The following RNF217 variants were observed in gnomAD, a reference collection of about 807,000 sequenced individuals.
RNF217 encodes ring finger protein 217.
Under a neutral mutation model 57.8 loss-of-function variants are expected in RNF217, and 31 were observed. That is an observed-to-expected ratio of 0.54 (90% CI 0.40 to 0.72). The LOEUF is 0.72. Ranked by LOEUF, RNF217 falls within the 30% of genes least tolerant of loss-of-function variation. The pLI, the probability that RNF217 is intolerant of heterozygous loss-of-function variation, is 0.00. For synonymous variants in RNF217, 313 were observed against 294.0 expected (o/e 1.06, Z -0.66); for missense variants, 696 against 708.3 (o/e 0.98, Z 0.20).
chr6:124,995,157 G>C (rs1181251665), intron 1 of RNF217, among the ~76,000 whole-genome samples: 6 of 152,116 alleles, frequency 3.9e-5, no homozygotes, highest in Non-Finnish European at 8.8e-5. Flanking sequence ...TTTATTAAAA[G>C]TTAGTGTACT....
intron 2 of RNF217, among the ~76,000 whole-genome samples, chr6:125,053,327 C>T (rs1466818984): frequency 6.6e-6 from 1 of 152,040 alleles, no homozygotes; most frequent in African/African-American, 2.4e-5. Flanking sequence ...ATAAGCAGTT[C>T]CTGCTACTTG....
At chr6:125,017,534 A>G (rs1785657205) in intron 1 of RNF217, among the ~76,000 whole-genome samples, 1 of 152,190 alleles carries the variant, frequency 6.6e-6, no homozygotes, top group Non-Finnish European at 1.5e-5. Context: ...AACAAGGATA[A>G]CCTATCTTGG....
At chr6:125,081,100 C>T (rs1160007738) in intron 4 of RNF217, among the ~76,000 whole-genome samples, 4 of 151,918 alleles carry the variant, frequency 2.6e-5, no homozygotes, top group Admixed American at 6.6e-5. Flanking sequence ...TTTAGCATTG[C>T]GAACATTGAA....
chr6:125,032,201 C>T (rs1310744805), intron 1 of RNF217, among the ~76,000 whole-genome samples: 2 of 152,130 alleles, frequency 1.3e-5, no homozygotes, highest in Admixed American at 6.5e-5. Flanking sequence ...CAAACCATAT[C>T]AGCTGCTTTC....
In RNF217 at chr6:125,087,694, T is replaced by A. The variant is rs1788811361; in HGVS notation, c.*4757T>A. The A allele has an allele frequency of 6.6e-6, 1 of 152,050 alleles. No individual in the cohort carries two copies. Among genetic ancestry groups the A allele is most frequent in the African/African-American group, 2.4e-5 (1 of 41,406 alleles). 9.4% of individuals were successfully genotyped at this position (152,050 alleles called of 1,614,324 possible). ...CTAAAGATTTAAAACAAATAAAACATACCTGAAGAAAAGTAGCAATTTCTG... is the reference window on the plus strand; with the variant it reads ...CTAAAGATTTAAAACAAATAAAACAAACCTGAAGAAAAGTAGCAATTTCTG... On this transcript the variant is annotated 3_prime_UTR_variant, in exon 6 of 6. Coordinates refer to ENST00000521654, the MANE Select transcript of RNF217 (RefSeq NM_001286398.3).
At chr6:125,019,729 A>G (rs145037937) in intron 1 of RNF217, among the ~76,000 whole-genome samples, 2 of 150,566 alleles carry the variant, frequency 1.3e-5, no homozygotes, top group African/African-American at 4.9e-5. Flanking sequence ...TCTTTCTCCA[A>G]CACTTACTGG....
chr6:125,027,261 C>A (rs960716096), intron 1 of RNF217, among the ~76,000 whole-genome samples: 1 of 152,046 alleles, frequency 6.6e-6, no homozygotes, highest in African/African-American at 2.4e-5. Context: ...TCTTCCTGGG[C>A]TTTTTTGTAC....
At chr6:124,990,283 AC>A (rs1349417194) in intron 1 of RNF217, among the ~76,000 whole-genome samples, 9 of 152,156 alleles carry the variant, frequency 5.9e-5, no homozygotes, top group Non-Finnish European at 8.8e-5. Context: ...ATGTATGCTC[AC>A]TACTCTTATT....
intron 4 of RNF217, among the ~76,000 whole-genome samples, chr6:125,079,792 A>G (rs545124): frequency 0.031 from 4,700 of 152,194 alleles, 233 homozygotes; most frequent in African/African-American, 0.11. Flanking sequence ...GGGAAAAGAA[A>G]CAAAAAATTA....
chr6:125,005,931 T>G (rs191829280), intron 1 of RNF217: 1 of 152,312 alleles, frequency 6.6e-6, no homozygotes, highest in East Asian at 1.9e-4. Context: ...ATAAAAATCA[T>G]TTATACTGTG....
At chr6:124,968,932 A>G (rs1265177872) in intron 1 of RNF217, among the ~76,000 whole-genome samples, 2 of 152,256 alleles carry the variant, frequency 1.3e-5, no homozygotes, top group Non-Finnish European at 2.9e-5. Flanking sequence ...GGGTACCTGT[A>G]TGATAAGCAC....
Position 125,071,148 on chromosome 6 carries a change from G to A in RNF217, c.1282-5509G>A, listed in dbSNP as rs138476704. Among the ~76,000 whole-genome samples, 8 of 152,218 alleles carry A rather than the reference G, an allele frequency of 5.3e-5. No individual in the cohort carries two copies. In the East Asian group the frequency reaches 1.5e-3, roughly 29 times the overall value. On this transcript the variant is annotated intron_variant, in intron 3 of 5. Transcript: ENST00000521654. The stretch of plus-strand genomic sequence containing the variant: ...GGAGGACAGGTACTATTTTCTTCAT[G>A]CAGATGGTTCCCAAGTTAGGATGGT...
chr6:125,070,423 A>G (rs1788092058), intron 3 of RNF217, among the ~76,000 whole-genome samples: 1 of 152,180 alleles, frequency 6.6e-6, no homozygotes, highest in African/African-American at 2.4e-5. Flanking sequence ...TCTTCAAGGA[A>G]TCTGTTTTCC....
rs73770786 is a variant in RNF217 at position 124,992,144 on chromosome 6, C to G, written c.882+28718C>G. ...AAGCTACAAAGTAATGCCAGTAATG[C>G]TGACCTGCAGCATCACACTTTGAGT... On this transcript the variant is annotated intron_variant, in intron 1 of 5. Transcript: ENST00000521654. Among the ~76,000 whole-genome samples, 1,012 of 152,128 alleles carry G rather than the reference C, an allele frequency of 6.7e-3. 12 individuals are homozygous for G. Among genetic ancestry groups the G allele is most frequent in the African/African-American group, 0.023 (966 of 41,540 alleles).
intron 1 of RNF217, among the ~76,000 whole-genome samples, chr6:125,028,311 T>G (rs1458848313): frequency 1.3e-5 from 2 of 152,146 alleles, no homozygotes; most frequent in African/African-American, 4.8e-5. Flanking sequence ...AAAGATAATT[T>G]GAGGACCCCA....
chr6:125,079,197 A>G (rs924199597), intron 4 of RNF217, among the ~76,000 whole-genome samples: 1 of 152,188 alleles, frequency 6.6e-6, no homozygotes, highest in South Asian at 2.1e-4. Context: ...GGGGATGATT[A>G]GCAGCCTCTG....
intron 3 of RNF217, among the ~76,000 whole-genome samples, chr6:125,071,144 T>G (rs1488706999): frequency 2.0e-5 from 3 of 152,210 alleles, no homozygotes; most frequent in Non-Finnish European, 4.4e-5. Flanking sequence ...ACTATTTTCT[T>G]CATGCAGATG....
intron 1 of RNF217, among the ~76,000 whole-genome samples, chr6:125,006,518 A>G (rs1317667063): frequency 6.6e-6 from 1 of 152,228 alleles, no homozygotes; most frequent in Non-Finnish European, 1.5e-5. Context: ...TTTAACATAC[A>G]TTTTCAAATT....
At chr6:125,046,558 C>T (rs1347891574) in intron 2 of RNF217, 1 of 455,310 alleles carries the variant, frequency 2.2e-6, no homozygotes, top group Non-Finnish European at 4.4e-6. Context: ...GTAAATGAAG[C>T]AGAAAACCAG....
Sources: allele counts gnomAD v4.1 joint callset (sites outside exome capture counted in the v4.1 genomes callset), GRCh38; gene constraint gnomAD v4.1.1; transcripts MANE v1.5; gene names NCBI Gene and HGNC (gene_info 2026-07-23, HGNC 2026-07-21).